NCOR2: variants seen among roughly 807,000 people sequenced by gnomAD.
The protein encoded by NCOR2 is CTG repeat protein 26.
A neutral mutation model predicts 262.9 loss-of-function variants in NCOR2; 81 were observed. The observed-to-expected ratio is 0.31, with a 90% CI of 0.26 to 0.37. The LOEUF (loss-of-function observed/expected upper bound fraction) is 0.37, where lower values mean the gene tolerates loss of function less well. NCOR2 is among the 10% of genes least tolerant of loss of function. The pLI is 1.00. For synonymous variants in NCOR2, 1,659 were observed against 1,559.3 expected, an observed-to-expected ratio of 1.06 and a Z score of -1.51; for missense variants, 3,385 against 3,621.4, an observed-to-expected ratio of 0.93 and a Z score of 1.68.
chr12:124,476,628 G>C (rs1324781408), intron 3 of NCOR2, among the ~76,000 whole-genome samples: 1 of 152,188 alleles, frequency 6.6e-6, no homozygotes, highest in Non-Finnish European at 1.5e-5. Flanking sequence ...GCAACCACTA[G>C]CAACACTTGG....
intron 1 of NCOR2, among the ~76,000 whole-genome samples, chr12:124,528,690 G>A (rs1255133904): frequency 1.3e-5 from 2 of 152,190 alleles, no homozygotes; most frequent in East Asian, 3.9e-4. Flanking sequence ...AGGTGGTCCT[G>A]GCCCCAACCA....
In NCOR2 at chr12:124,412,736, G is replaced by A. The variant is rs576749129; in HGVS notation, c.1482+7221C>T. Among the ~76,000 whole-genome samples the A allele has an allele frequency of 4.6e-5, 7 of 152,374 alleles. No individual in the cohort carries two copies. In the East Asian group the frequency reaches 9.6e-4, roughly 21 times the overall value. Reference sequence around the variant, plus strand: ...CCCCAGCACCGAGGTTCTCAGCAGCGTCCTAGACCAACGCCTGGGAGCTCC... The same window carrying A: ...CCCCAGCACCGAGGTTCTCAGCAGCATCCTAGACCAACGCCTGGGAGCTCC... On this transcript the variant is annotated intron_variant, in intron 13 of 46. Coordinates refer to ENST00000405201, the Ensembl canonical transcript of NCOR2.
At chr12:124,380,301 C>T (rs577589694) in intron 17 of NCOR2, among the ~76,000 whole-genome samples, 2 of 152,330 alleles carry the variant, frequency 1.3e-5, no homozygotes, top group East Asian at 3.9e-4. Context: ...CCTGTCCTGC[C>T]TTCTTCCTGA....
In NCOR2 at chr12:124,325,386, C is replaced by CCCCT. The variant is rs767845044; in HGVS notation, c.*15_*16insAGGG. On this transcript the variant is annotated 3_prime_UTR_variant, in exon 47 of 47. Transcript: ENST00000405201. Reference sequence around the variant, plus strand: ...GCTGGGACCTGACACCGCCCCCCCCCCCGCCCTGTTCTGAGTCACTCGCTG... The same window carrying CCCCT: ...GCTGGGACCTGACACCGCCCCCCCCCCCCTCCGCCCTGTTCTGAGTCACTCGCTG... 5 of 589,734 alleles carry CCCCT rather than the reference C, an allele frequency of 8.5e-6. No individual in the cohort carries two copies. The East Asian group carries it at 1.1e-4, about 14-fold the overall frequency. 36.5% of individuals were successfully genotyped at this position (589,734 alleles called of 1,614,324 possible). A position where few individuals can be genotyped will look rare whatever the true frequency, so the allele number is the denominator to read the frequency against.
chr12:124,539,146 G>C (rs1194666742), upstream of NCOR2: 1 of 152,290 alleles, frequency 6.6e-6, no homozygotes, highest in Non-Finnish European at 1.5e-5. The surrounding 1 kb of genome is among the most constrained non-coding windows in gnomAD (Gnocchi z 5.1). Flanking sequence ...AGCCGCCCCC[G>C]TCAGGGCTTC....
chr12:124,422,575 G>A lies in NCOR2; in HGVS notation c.1329-20C>T, dbSNP rs771241889. 1.2e-6 allele frequency: 2 copies of A among 1,613,652 alleles called. No individual in the cohort carries two copies. Among genetic ancestry groups the A allele is most frequent in the South Asian group, 2.2e-5 (2 of 91,076 alleles). On this transcript the variant is annotated intron_variant, in intron 11 of 46. Transcript: ENST00000405201. Reference sequence around the variant, plus strand: ...ATGAACCTGCGGGACGAGAAGGGTGGGCGTGAGACCTGGCCGAGGGGGGCT... The same window carrying A: ...ATGAACCTGCGGGACGAGAAGGGTGAGCGTGAGACCTGGCCGAGGGGGGCT...
intron 16 of NCOR2, among the ~76,000 whole-genome samples, chr12:124,391,689 A>G (rs56835044): frequency 0.039 from 5,907 of 152,266 alleles, 387 homozygotes; most frequent in African/African-American, 0.14. Context: ...TCTTTCAAAA[A>G]TCAGCCTCGC....
intron 16 of NCOR2, among the ~76,000 whole-genome samples, chr12:124,393,725 T>TA (rs2041471436): frequency 6.6e-6 from 1 of 152,250 alleles, no homozygotes; most frequent in Admixed American, 6.5e-5. Context: ...TGTGTGACCC[T>TA]AGGCTGCTCA....
chr12:124,527,254 T>TG (rs2050525579), intron 1 of NCOR2, among the ~76,000 whole-genome samples: 1 of 151,990 alleles, frequency 6.6e-6, no homozygotes, highest in Non-Finnish European at 1.5e-5. Context: ...TAGGGTGAGA[T>TG]GGGAAGGACG....
chr12:124,452,169 C>T (rs1052498995), intron 6 of NCOR2, among the ~76,000 whole-genome samples: 12 of 152,242 alleles, frequency 7.9e-5, no homozygotes, highest in Admixed American at 3.9e-4. Flanking sequence ...AGAGAGCCCA[C>T]GGTCAGACTC....
chr12:124,357,856 ATG>A (rs1193002309), intron 22 of NCOR2, among the ~76,000 whole-genome samples: 6 of 139,090 alleles, frequency 4.3e-5, no homozygotes, highest in East Asian at 4.4e-4. Flanking sequence ...GAGTGCATGG[ATG>A]TGTGTGTGCG....
chr12:124,368,266 C>A (rs373363637), intron 20 of NCOR2, among the ~76,000 whole-genome samples: 2 of 152,174 alleles, frequency 1.3e-5, no homozygotes, highest in South Asian at 2.1e-4. Flanking sequence ...CTCATGAAGG[C>A]CGGTTGGGGG....
At chr12:124,515,306 T>G (rs572636590) in intron 1 of NCOR2, among the ~76,000 whole-genome samples, 1 of 151,922 alleles carries the variant, frequency 6.6e-6, no homozygotes, top group South Asian at 2.1e-4. Context: ...AGGCAGTGGT[T>G]GCAGTGAGCT....
intron 1 of NCOR2, among the ~76,000 whole-genome samples, chr12:124,559,893 G>C (rs757027342): frequency 1.3e-5 from 2 of 152,210 alleles, no homozygotes; most frequent in African/African-American, 4.8e-5. Flanking sequence ...AGGTGCTACA[G>C]CAACTATATA....
chr12:124,502,499 T>A (rs1177934342), intron 1 of NCOR2, among the ~76,000 whole-genome samples: 1 of 152,050 alleles, frequency 6.6e-6, no homozygotes. Context: ...AGAGGTGCCT[T>A]TTATGCAAAG....
chr12:124,369,930 C>T (rs1056313690), intron 20 of NCOR2, among the ~76,000 whole-genome samples: 6 of 152,106 alleles, frequency 3.9e-5, no homozygotes, highest in African/African-American at 1.4e-4. Flanking sequence ...GCTGATCCCC[C>T]GGCTCCCCAG....
chr12:124,330,848 T>C (rs2035127352), exon 44 of NCOR2: 1 of 1,577,262 alleles, frequency 6.3e-7, no homozygotes, highest in South Asian at 1.2e-5. Flanking sequence ...GGGTTACCTG[T>C]TCCGGTGATG....
Position 124,434,572 on chromosome 12 carries a change from G to C in NCOR2, c.882+3358C>G, listed in dbSNP as rs77875006. On this transcript the variant is annotated intron_variant, in intron 8 of 46. Coordinates refer to ENST00000405201, the Ensembl canonical transcript of NCOR2. ...CCCACCCCAACTCCACCTCCAGCCT[G>C]AGCTCCTTCCAGCAGCTGCAGCGAT... Among the ~76,000 whole-genome samples, 1,487 of 152,170 alleles carry C rather than the reference G, an allele frequency of 9.8e-3. 27 individuals are homozygous for C. Among genetic ancestry groups the C allele is most frequent in the African/African-American group, 0.034 (1,429 of 41,502 alleles).
chr12:124,327,146 AGT>A (rs1363099308), intron 45 of NCOR2, among the ~76,000 whole-genome samples: 2 of 151,864 alleles, frequency 1.3e-5, no homozygotes, highest in African/African-American at 4.8e-5. Flanking sequence ...GGCGGACAGC[AGT>A]GTGAGTGTCC....
Sources: allele counts gnomAD v4.1 joint callset (sites outside exome capture counted in the v4.1 genomes callset), GRCh38; gene constraint gnomAD v4.1.1; non-coding constraint Gnocchi (gnomAD v3.1); transcripts MANE v1.5; gene names NCBI Gene and HGNC (gene_info 2026-07-23, HGNC 2026-07-21).